Variants in HOXB3 observed in about 807,000 individuals in gnomAD.
HOXB3 encodes homeobox protein Hox-B3.
HOXB3 carries 17 observed loss-of-function variants against 29.2 expected under a neutral mutation model. The observed-to-expected ratio is 0.58, with a 90% CI of 0.40 to 0.87. HOXB3 has a LOEUF of 0.87. Ranked by LOEUF, HOXB3 falls within the 40% of genes least tolerant of loss-of-function variation. The pLI is 0.00. For synonymous variants in HOXB3, 317 were observed against 285.9 expected (o/e 1.11, Z -1.10); for missense variants, 637 against 616.3 (o/e 1.03, Z -0.35).
chr17:48,552,100 G>A lies in HOXB3; in HGVS notation c.375C>T (p.Leu125=), dbSNP rs140142565. The change falls in exon 4 of 5, where the codon CTC becomes CTT. Residue 125 remains leucine, a synonymous_variant. Coordinates refer to ENST00000498678, the MANE Select transcript of HOXB3 (RefSeq NM_001384749.1). ...TCATCCAGGGGAATATCTGTTTGGT[G>A]AGGGTGGAGTTGGTGCCGGGACCGC... The part of the protein sequence containing the change: ...PKCGPGTNST[L]TKQIFPWMKE... 1.2e-6 allele frequency: 2 copies of A among 1,612,992 alleles called. No individual in the cohort carries two copies. The highest frequency in any genetic ancestry group is 1.7e-6 in the Non-Finnish European group (2 of 1,179,238).
In HOXB3 at chr17:48,550,631, G is replaced by T; in HGVS notation, c.999C>A (p.Val333=). The part of the protein sequence containing the change: ...PTPAPEYEPH[V]LQANGGAYGT... ...CGTAGGCGCCCCCGTTGGCTTGGAG[G>T]ACGTGCGGCTCATACTCGGGCGCCG... The change falls in exon 5 of 5, where the codon GTC becomes GTA. Residue 333 remains valine (V), a synonymous_variant. Coordinates refer to ENST00000498678, the MANE Select transcript of HOXB3 (RefSeq NM_001384749.1). 6.6e-7 allele frequency: 1 copy of T among 1,523,546 alleles called. No homozygotes were observed. Among genetic ancestry groups the T allele is most frequent in the Non-Finnish European group, 8.8e-7 (1 of 1,139,548 alleles). 94.4% of individuals were successfully genotyped at this position (1,523,546 alleles called of 1,614,324 possible). A position where few individuals can be genotyped will look rare whatever the true frequency, so the allele number is the denominator to read the frequency against.
chr17:48,550,669 A>G lies in HOXB3; in HGVS notation c.961T>C (p.Tyr321His). The change falls in exon 5 of 5, where the codon TAC becomes CAC. Residue 321 changes from tyrosine (Y) to histidine (H), a missense_variant. Transcript: ENST00000498678. ...PLKGCGAPQK[Y>H]PPTPAPEYEP... Reference sequence around the variant, plus strand: ...TACTCGGGCGCCGGGGTCGGAGGGTACTTCTGCGGGGCGCCGCAGCCTTTG... The same window carrying G: ...TACTCGGGCGCCGGGGTCGGAGGGTGCTTCTGCGGGGCGCCGCAGCCTTTG... The G allele has an allele frequency of 1.3e-6, 2 of 1,528,042 alleles. No individual in the cohort carries two copies. Among genetic ancestry groups the G allele is most frequent in the Non-Finnish European group, 1.8e-6 (2 of 1,139,958 alleles). 94.7% of individuals were successfully genotyped at this position (1,528,042 alleles called of 1,614,324 possible). A position where few individuals can be genotyped will look rare whatever the true frequency, so the allele number is the denominator to read the frequency against.
intron 2 of HOXB3, among the ~76,000 whole-genome samples, chr17:48,556,050 G>A (rs1018395900): frequency 1.3e-5 from 2 of 151,852 alleles, no homozygotes; most frequent in Non-Finnish European, 2.9e-5. Context: ...TTAGATGCCT[G>A]ATAAGGAGGG....
intron 1 of HOXB3, 79 bp from the exon 2 acceptor site, chr17:48,574,093 A>G (rs1034000877): frequency 2.7e-5 from 15 of 553,902 alleles, no homozygotes; most frequent in African/African-American, 2.3e-4. Context: ...TAATTCTCAC[A>G]TTTTTCTTAG....
At chr17:48,568,603 C>A (rs1213502854) in intron 2 of HOXB3, among the ~76,000 whole-genome samples, 1 of 151,784 alleles carries the variant, frequency 6.6e-6, no homozygotes, top group Admixed American at 6.6e-5. Flanking sequence ...CCATAAACAA[C>A]ACAACTCGCT....
intron 1 of HOXB3, chr17:48,576,912 C>G (rs777558289): frequency 1.2e-6 from 2 of 1,614,236 alleles, no homozygotes; most frequent in Non-Finnish European, 8.5e-7. Flanking sequence ...CCTCCGGCGC[C>G]GTGTCAGGTA....
intron 2 of HOXB3, among the ~76,000 whole-genome samples, chr17:48,562,774 C>T (rs535314347): frequency 1.3e-5 from 2 of 152,256 alleles, no homozygotes; most frequent in South Asian, 4.1e-4. Flanking sequence ...GATAATTCTG[C>T]GGCTGAGAAA....
Position 48,555,601 on chromosome 17 carries a change from G to A in HOXB3, c.-229C>T, listed in dbSNP as rs1185120754. The A allele has an allele frequency of 1.4e-6, 1 of 702,734 alleles. No homozygotes were observed. Among genetic ancestry groups the A allele is most frequent in the Non-Finnish European group, 2.6e-6 (1 of 384,820 alleles). The allele number at this position is 702,734 out of a possible 1,614,324, so 43.5% of individuals were successfully genotyped here. A position where few individuals can be genotyped will look rare whatever the true frequency, so the allele number is the denominator to read the frequency against. ...ACATCGAGCCCCAGAGCGAGCGGCA[G>A]GCGACAAATCTCCCCTCCTTGAAGG... On this transcript the variant is annotated 5_prime_UTR_variant, in exon 3 of 5. Coordinates refer to ENST00000498678, the MANE Select transcript of HOXB3 (RefSeq NM_001384749.1).
Position 48,552,296 on chromosome 17 carries a change from G to C in HOXB3, c.179C>G (p.Ala60Gly). The stretch of plus-strand genomic sequence containing the variant: ...CTCCTTGCTCTTGGCATGTGGGGCA[G>C]CGTTGCCCAGGGACTGCAGCGAGCA... ...SACSLQSLGN[A>G]APHAKSKELN... Residue 60 changes from alanine (A) to glycine (G), a missense_variant, in exon 4 of 5, where the codon GCT becomes GGT. By Grantham distance (60) the Ala-to-Gly change is moderately conservative. Transcript: ENST00000498678. 1.9e-6 allele frequency: 3 copies of C among 1,614,058 alleles called. No homozygotes were observed. The highest frequency in any genetic ancestry group is 2.5e-6 in the Non-Finnish European group (3 of 1,179,968).
chr17:48,552,747 A>T, intron 3 of HOXB3, 115 bp from the exon 4 acceptor site: 1 of 393,012 alleles, frequency 2.5e-6, no homozygotes, highest in Non-Finnish European at 4.5e-6. Flanking sequence ...CCTCCCCAAC[A>T]TCTCCAAAGC....
At chr17:48,577,554 C>T (rs1306688119) in intron 1 of HOXB3, among the ~76,000 whole-genome samples, 1 of 152,220 alleles carries the variant, frequency 6.6e-6, no homozygotes, top group Non-Finnish European at 1.5e-5. Context: ...CCTCCTCCAC[C>T]TCCTCCACCC....
At position 48,550,183 on chromosome 17, in the gene HOXB3, G is replaced by C. The variant is rs985592149; in HGVS notation, c.*151C>G. 1 of 996,828 alleles carries C rather than the reference G, an allele frequency of 1.0e-6. No homozygotes were observed. The highest frequency in any genetic ancestry group is 2.6e-5 in the East Asian group (1 of 38,432). 61.7% of individuals were successfully genotyped at this position (996,828 alleles called of 1,614,324 possible). ...GACTTAAAAGCAACCTCTCAGGCCA[G>C]GGGGAAGGGAAGGAGCTCCAGGCCG... On this transcript the variant is annotated 3_prime_UTR_variant, in exon 5 of 5. Coordinates refer to ENST00000498678, the MANE Select transcript of HOXB3 (RefSeq NM_001384749.1).
At chr17:48,580,424 C>G (rs1287311051) in intron 1 of HOXB3, 1 of 150,480 alleles carries the variant, frequency 6.6e-6, no homozygotes, top group Admixed American at 6.7e-5. Flanking sequence ...TTTTCCAAAG[C>G]GCCTCTCAGC....
In HOXB3 at chr17:48,554,444, G is replaced by T; in HGVS notation, c.-159+1087C>A. On this transcript the variant is annotated intron_variant, in intron 3 of 4. Transcript: ENST00000498678. The surrounding 1 kb of genome is among the most constrained non-coding windows in gnomAD (Gnocchi z 4.1). Reference sequence around the variant, plus strand: ...TGCAATAAACCCCAAACCATCGCGGGACGGAGGCCAGGCGAGTGTGGAAAG... The same window carrying T: ...TGCAATAAACCCCAAACCATCGCGGTACGGAGGCCAGGCGAGTGTGGAAAG... The T allele has an allele frequency of 1.7e-6, 1 of 592,494 alleles. No individual in the cohort carries two copies. The highest frequency in any genetic ancestry group is 3.0e-6 in the Non-Finnish European group (1 of 332,704). The allele number at this position is 592,494 out of a possible 1,614,324, so 36.7% of individuals were successfully genotyped here. A position where few individuals can be genotyped will look rare whatever the true frequency, so the allele number is the denominator to read the frequency against.
chr17:48,589,829 T>A (rs1398882855), intron 1 of HOXB3, among the ~76,000 whole-genome samples: 1 of 152,078 alleles, frequency 6.6e-6, no homozygotes, highest in Admixed American at 6.5e-5. Flanking sequence ...TATACACCCC[T>A]CCTTCCTGGT....
At chr17:48,588,092 G>C (rs1484837942) in intron 1 of HOXB3, among the ~76,000 whole-genome samples, 2 of 152,222 alleles carry the variant, frequency 1.3e-5, no homozygotes, top group Admixed American at 1.3e-4. Context: ...CAGGAGGAGA[G>C]GACAGAGGTC....
At chr17:48,564,228 G>T (rs1313165610) in intron 2 of HOXB3, among the ~76,000 whole-genome samples, 2 of 151,832 alleles carry the variant, frequency 1.3e-5, no homozygotes, top group Admixed American at 1.3e-4. Flanking sequence ...GCGGTCTTCC[G>T]CTAGGGCGCG....
At chr17:48,583,237 C>T (rs562442090) in intron 1 of HOXB3, among the ~76,000 whole-genome samples, 7 of 152,316 alleles carry the variant, frequency 4.6e-5, no homozygotes, top group African/African-American at 1.7e-4. Context: ...AAGCCGGCGA[C>T]ATAACTTTCA....
chr17:48,576,600 G>C lies in HOXB3; in HGVS notation c.-424-2586C>G, dbSNP rs547038749. ...GCGTTTATTCGTATATAAAGTGTGG[G>C]GGAGGGCAGATAGATTTTTCCGGGG... On this transcript the variant is annotated intron_variant, in intron 1 of 4. Coordinates refer to ENST00000498678, the MANE Select transcript of HOXB3 (RefSeq NM_001384749.1). 1.0e-5 allele frequency: 8 copies of C among 790,416 alleles called. No individual in the cohort carries two copies. In the South Asian group the frequency reaches 1.5e-4, roughly 15 times the overall value. 49.0% of individuals were successfully genotyped at this position (790,416 alleles called of 1,614,324 possible). A position where few individuals can be genotyped will look rare whatever the true frequency, so the allele number is the denominator to read the frequency against.
Sources: gnomAD v4.1 joint callset for allele counts (sites outside exome capture counted in the v4.1 genomes callset) on GRCh38, gnomAD v4.1.1 for gene constraint, Gnocchi (gnomAD v3.1) non-coding constraint, MANE v1.5 for transcripts, NCBI Gene and HGNC (gene_info 2026-07-23, HGNC 2026-07-21) for gene names.